FGFR1: variants seen among roughly 807,000 people sequenced by gnomAD.
FGFR1 encodes FGFR1/PLAG1 fusion.
A neutral mutation model predicts 93.7 loss-of-function variants in FGFR1; 18 were observed. That is an observed-to-expected ratio of 0.19 (90% confidence interval 0.13 to 0.28). The LOEUF is 0.28. Ranked by LOEUF, FGFR1 falls within the 10% of genes least tolerant of loss-of-function variation. FGFR1 has a pLI of 1.00. For synonymous variants in FGFR1, 448 were observed against 429.3 expected (o/e 1.04, Z -0.54); for missense variants, 731 against 1,080.4 (o/e 0.68, Z 4.53).
chr8:38,466,984 A>C (rs1013437274), intron 1 of FGFR1, among the ~76,000 whole-genome samples: 1 of 151,192 alleles, frequency 6.6e-6, no homozygotes, highest in African/African-American at 2.5e-5. Context: ...GGTCCATAAA[A>C]TTCCTCCGCA....
intron 2 of FGFR1, chr8:38,440,176 G>A (rs1826886373): frequency 2.7e-6 from 2 of 741,818 alleles, no homozygotes; most frequent in Non-Finnish European, 4.7e-6. Context: ...ATTGTGGGTG[G>A]GGGAGGAACT....
intron 2 of FGFR1, among the ~76,000 whole-genome samples, chr8:38,450,591 C>A (rs904807367): frequency 2.4e-4 from 37 of 152,292 alleles, no homozygotes; most frequent in African/African-American, 8.7e-4. Flanking sequence ...GCTGGGGCCA[C>A]AGGCTCCCAA....
intron 2 of FGFR1, among the ~76,000 whole-genome samples, chr8:38,440,697 C>T (rs1268893561): frequency 6.6e-6 from 1 of 151,908 alleles, no homozygotes; most frequent in Non-Finnish European, 1.5e-5. Context: ...CCTGACAAAA[C>T]GGTGCAAACT....
At chr8:38,430,232 G>GTGGAT (rs1225572844) in intron 2 of FGFR1, 16 of 268,522 alleles carry the variant, frequency 6.0e-5, no homozygotes, top group African/African-American at 3.7e-4. Flanking sequence ...GCAGCATTAA[G>GTGGAT]CGCATTTCAT....
intron 2 of FGFR1, among the ~76,000 whole-genome samples, chr8:38,444,546 G>A (rs1285974461): frequency 4.6e-5 from 6 of 131,098 alleles, no homozygotes; most frequent in Admixed American, 8.0e-5. Flanking sequence ...TTGCCACCAC[G>A]CGTGGCTAAA....
chr8:38,449,430 G>T (rs963165324), intron 2 of FGFR1, among the ~76,000 whole-genome samples: 2 of 152,188 alleles, frequency 1.3e-5, no homozygotes, highest in African/African-American at 4.8e-5. Context: ...CCATTAGCCA[G>T]AAGCTAGTTT....
chr8:38,416,096 G>A (rs1285748153), intron 12 of FGFR1, 36 bp from the exon 13 acceptor site: 5 of 1,577,716 alleles, frequency 3.2e-6, no homozygotes, highest in South Asian at 2.3e-5. Flanking sequence ...GGGGCCAGCA[G>A]CAGGTGAGCA....
At chr8:38,430,701 C>CT (rs1822725546) in intron 2 of FGFR1, 1 of 152,390 alleles carries the variant, frequency 6.6e-6, no homozygotes, top group South Asian at 2.1e-4. Context: ...CACAAAGGTC[C>CT]TTTCTCCTCA....
At chr8:38,445,710 T>A (rs540360832) in intron 2 of FGFR1, among the ~76,000 whole-genome samples, 271 of 151,916 alleles carry the variant, frequency 1.8e-3, no homozygotes, top group African/African-American at 6.0e-3. Context: ...GGTTATTTTT[T>A]TTTTTTTTTA....
intron 1 of FGFR1, among the ~76,000 whole-genome samples, chr8:38,464,882 G>C (rs1409541459): frequency 6.6e-6 from 1 of 152,178 alleles, no homozygotes; most frequent in Non-Finnish European, 1.5e-5. Context: ...CAAGAAAAAA[G>C]CCTTTGTAGA....
Position 38,412,260 on chromosome 8 carries a change from G to C in FGFR1, c.*1368C>G. On this transcript the variant is annotated 3_prime_UTR_variant, in exon 18 of 18. Transcript: ENST00000447712. ...AGATGGGGTTTCACTAAGTTGGCCAGGCTGGTCTCAAACTCCTGACCTGAA... is the reference window on the plus strand; with the variant it reads ...AGATGGGGTTTCACTAAGTTGGCCACGCTGGTCTCAAACTCCTGACCTGAA... 9.1e-6 allele frequency: 2 copies of C among 218,778 alleles called. No homozygotes were observed. The highest frequency in any genetic ancestry group is 6.7e-5 in the East Asian group (1 of 14,960). The allele number at this position is 218,778 out of a possible 1,614,324, so 13.6% of individuals were successfully genotyped here. A position where few individuals can be genotyped will look rare whatever the true frequency, so the allele number is the denominator to read the frequency against.
At chr8:38,445,853 A>C (rs1829108789) in intron 2 of FGFR1, among the ~76,000 whole-genome samples, 1 of 152,060 alleles carries the variant, frequency 6.6e-6, no homozygotes, top group South Asian at 2.1e-4. Flanking sequence ...GTGACACTTC[A>C]AATCATGACT....
intron 8 of FGFR1, chr8:38,420,203 C>T (rs923459417): frequency 2.9e-5 from 5 of 169,768 alleles, no homozygotes; most frequent in Non-Finnish European, 3.9e-5. Flanking sequence ...TAAGAAGACA[C>T]GGGGTCCCTG....
intron 8 of FGFR1, among the ~76,000 whole-genome samples, chr8:38,421,141 C>A (rs926277273): frequency 6.6e-6 from 1 of 152,146 alleles, no homozygotes; most frequent in African/African-American, 2.4e-5. Context: ...CCAGCCACCA[C>A]CCTGAGCAGG....
At chr8:38,440,273 T>C in intron 2 of FGFR1, 1 of 1,584,616 alleles carries the variant, frequency 6.3e-7, no homozygotes, top group Non-Finnish European at 8.6e-7. Context: ...TTTTATTACG[T>C]ATTTTGGCTT....
At chr8:38,439,279 A>G (rs1182018026) in intron 2 of FGFR1, among the ~76,000 whole-genome samples, 4 of 152,038 alleles carry the variant, frequency 2.6e-5, no homozygotes, top group African/African-American at 9.7e-5. Context: ...ACATGGGGTG[A>G]TGAGGGGTGG....
chr8:38,451,474 C>A (rs1181493904), intron 2 of FGFR1, among the ~76,000 whole-genome samples: 1 of 152,152 alleles, frequency 6.6e-6, no homozygotes, highest in African/African-American at 2.4e-5. Context: ...TGCAAGGGCC[C>A]TATGATCTGA....
chr8:38,437,335 G>A (rs1020742578), intron 2 of FGFR1, among the ~76,000 whole-genome samples: 1 of 152,128 alleles, frequency 6.6e-6, no homozygotes, highest in South Asian at 2.1e-4. Flanking sequence ...AGGAGAAATG[G>A]GTGAAACAAA....
chr8:38,454,634 C>T (rs139140850), intron 2 of FGFR1, among the ~76,000 whole-genome samples: 41 of 152,322 alleles, frequency 2.7e-4, no homozygotes, highest in South Asian at 6.2e-4. Context: ...TAACCTGCGA[C>T]CTCATCCTTC....
Sources: gnomAD v4.1 joint callset for allele counts (sites outside exome capture counted in the v4.1 genomes callset) on GRCh38, gnomAD v4.1.1 for gene constraint, MANE v1.5 for transcripts, NCBI Gene and HGNC (gene_info 2026-07-23, HGNC 2026-07-21) for gene names.